The following RRAGC variants were observed in gnomAD, a reference collection of about 807,000 sequenced individuals.
RRAGC encodes ras-related GTP-binding protein C.
A neutral mutation model predicts 37.1 loss-of-function variants in RRAGC; 8 were observed. The ratio of observed to expected loss-of-function variants is 0.22; its 90% CI spans 0.13 to 0.39. RRAGC has a LOEUF of 0.39. Among genes scored for constraint, RRAGC ranks in the 10% least tolerant of loss-of-function variants. The pLI, the probability that RRAGC is intolerant of heterozygous loss-of-function variation, is 1.00. For missense variants in RRAGC, 342 were observed against 497.6 expected (o/e 0.69, Z 2.98); for synonymous variants, 190 against 181.1 (o/e 1.05, Z -0.39).
Position 38,859,596 on chromosome 1 carries a change from G to A in RRAGC, c.51C>T (p.Gly17=), listed in dbSNP as rs755544382. 2.0e-4 allele frequency: 317 copies of A among 1,566,508 alleles called. 2 individuals carry two copies. Among genetic ancestry groups the A allele is most frequent in the Non-Finnish European group, 2.6e-4 (299 of 1,157,376 alleles). Residue 17 remains glycine, a synonymous_variant, in exon 1 of 7, where the codon GGC becomes GGT. Transcript: ENST00000373001. ...AEETPLAGSY[G]AADSFPKDFG... is the part of the protein sequence containing the mutation. The stretch of plus-strand genomic sequence containing the variant: ...AGTCCTTTGGAAACGAATCGGCCGC[G>A]CCGTAACTGCCGGCGAGGGGCGTCT...
At chr1:38,843,612 C>T (rs1014470767) in intron 6 of RRAGC, among the ~76,000 whole-genome samples, 1 of 150,318 alleles carries the variant, frequency 6.7e-6, no homozygotes, top group East Asian at 2.0e-4. Flanking sequence ...CCCAGCTACT[C>T]GGGAGGGTGA....
Position 38,845,862 on chromosome 1 carries a change from T to C in RRAGC, c.1048+77A>G, listed in dbSNP as rs149228362. 3,144 of 1,266,618 alleles carry C rather than the reference T, an allele frequency of 2.5e-3. 165 individuals carry two copies. In the Admixed American group the frequency reaches 0.078, roughly 31 times the overall value. The allele number at this position is 1,266,618 out of a possible 1,614,324, so 78.5% of individuals were successfully genotyped here. On this transcript the variant is annotated intron_variant, in intron 6 of 6. Coordinates refer to ENST00000373001, the MANE Select transcript of RRAGC (RefSeq NM_022157.4). ...TATTTGTCTAACACTGCAATTATTA[T>C]TTTCACTTGTTTTCAAGAACCTGAG...
chr1:38,852,348 G>A, intron 4 of RRAGC, 26 bp downstream of exon 4: 1 of 1,157,358 alleles, frequency 8.6e-7, no homozygotes, highest in Non-Finnish European at 1.3e-6. Flanking sequence ...AAGCTGCAGT[G>A]AATTAAATAT....
At chr1:38,845,450 G>C (rs1642016631) in intron 6 of RRAGC, among the ~76,000 whole-genome samples, 1 of 152,144 alleles carries the variant, frequency 6.6e-6, no homozygotes, top group Admixed American at 6.5e-5. Context: ...CACAGGAAGG[G>C]GGACATCACA....
chr1:38,844,883 A>C (rs1642009698), intron 6 of RRAGC, among the ~76,000 whole-genome samples: 1 of 152,230 alleles, frequency 6.6e-6, no homozygotes, highest in South Asian at 2.1e-4. Context: ...AAAGCTCATC[A>C]CCACTGGTCA....
chr1:38,857,594 G>C (rs978213333), intron 1 of RRAGC, among the ~76,000 whole-genome samples: 1 of 152,208 alleles, frequency 6.6e-6, no homozygotes, highest in Non-Finnish European at 1.5e-5. Context: ...AACGTCCAGG[G>C]GGAGGCCACG....
chr1:38,853,132 T>G (rs1642121235), intron 3 of RRAGC, among the ~76,000 whole-genome samples: 1 of 152,216 alleles, frequency 6.6e-6, no homozygotes, highest in Non-Finnish European at 1.5e-5. Context: ...CTCATAAGTA[T>G]CTGCTGAATA....
At chr1:38,843,717 C>CAA (rs397951414) in intron 6 of RRAGC, among the ~76,000 whole-genome samples, 22 of 71,894 alleles carry the variant, frequency 3.1e-4, no homozygotes, top group Admixed American at 7.0e-4. Context: ...GAGACTGTCT[C>CAA]AAAAAAAAAA....
At chr1:38,850,289 T>A (rs953658844) in intron 5 of RRAGC, among the ~76,000 whole-genome samples, 8 of 151,950 alleles carry the variant, frequency 5.3e-5, no homozygotes, top group African/African-American at 1.9e-4. Context: ...GGCGGGTGGA[T>A]CACAAGGTCA....
Position 38,839,475 on chromosome 1 carries a change from C to T in RRAGC, c.*78G>A. On this transcript the variant is annotated 3_prime_UTR_variant, in exon 7 of 7. Coordinates refer to ENST00000373001, the MANE Select transcript of RRAGC (RefSeq NM_022157.4). ...CACCAGATTCCCACAAGCAGCAGCT[C>T]CCATGTCCTGTAGCACGTGGCATCC... 6.6e-7 allele frequency: 1 copy of T among 1,522,044 alleles called. No homozygotes were observed. The highest frequency in any genetic ancestry group is 1.4e-5 in the African/African-American group (1 of 72,836). 94.3% of individuals were successfully genotyped at this position (1,522,044 alleles called of 1,614,324 possible).
At chr1:38,854,848 A>C (rs954945288) in intron 3 of RRAGC, among the ~76,000 whole-genome samples, 2 of 152,188 alleles carry the variant, frequency 1.3e-5, no homozygotes, top group African/African-American at 4.8e-5. Flanking sequence ...TAGAACGGGG[A>C]CAGAGAAATA....
chr1:38,839,457 T>C lies in RRAGC; in HGVS notation c.*96A>G, dbSNP rs1055835247. On this transcript the variant is annotated 3_prime_UTR_variant, in exon 7 of 7. Coordinates refer to ENST00000373001, the MANE Select transcript of RRAGC (RefSeq NM_022157.4). ...TGTCTCTAGTGGAACAGGCACCAGA[T>C]TCCCACAAGCAGCAGCTCCCATGTC... The C allele has an allele frequency of 1.5e-6, 2 of 1,373,678 alleles. No homozygotes were observed. The highest frequency in any genetic ancestry group is 2.0e-6 in the Non-Finnish European group (2 of 1,003,938). The allele number at this position is 1,373,678 out of a possible 1,614,324, so 85.1% of individuals were successfully genotyped here. A position where few individuals can be genotyped will look rare whatever the true frequency, so the allele number is the denominator to read the frequency against.
At position 38,838,699 on chromosome 1, in the gene RRAGC, G is replaced by C. The variant is rs911732124; in HGVS notation, c.*854C>G. 4.6e-5 allele frequency: 7 copies of C among 152,232 alleles called. No homozygotes were observed. Among genetic ancestry groups the C allele is most frequent in the African/African-American group, 1.7e-4 (7 of 41,456 alleles). 9.4% of individuals were successfully genotyped at this position (152,232 alleles called of 1,614,324 possible). A position where few individuals can be genotyped will look rare whatever the true frequency, so the allele number is the denominator to read the frequency against. On this transcript the variant is annotated 3_prime_UTR_variant, in exon 7 of 7. Transcript: ENST00000373001. ...CCAAATGCAATCAAGAAGCTCGATA[G>C]CTTAGAATAAAAGGTCTGTAGAGGC...
chr1:38,855,286 A>G (rs554110846), intron 3 of RRAGC, among the ~76,000 whole-genome samples: 5 of 152,362 alleles, frequency 3.3e-5, no homozygotes, highest in African/African-American at 1.2e-4. Flanking sequence ...CACTCTCTGT[A>G]TAAGGCTGTT....
intron 3 of RRAGC, 80 bp from the exon 4 acceptor site, chr1:38,852,568 A>C (rs1274412891): frequency 1.4e-6 from 1 of 715,926 alleles, no homozygotes; most frequent in Non-Finnish European, 2.4e-6. Context: ...TAAAATTTTA[A>C]GTTTCTTAAC....
chr1:38,839,799 G>A (rs1641941844), intron 6 of RRAGC, 95 bp from the exon 7 acceptor site: 7 of 1,256,736 alleles, frequency 5.6e-6, no homozygotes, highest in Non-Finnish European at 6.7e-6. Context: ...GATAAACACT[G>A]GTTGGAAATT....
In RRAGC at chr1:38,859,750, G is replaced by C. The variant is rs1398220222; in HGVS notation, c.-104C>G. 3.0e-6 allele frequency: 3 copies of C among 1,001,358 alleles called. No individual in the cohort carries two copies. The highest frequency in any genetic ancestry group is 3.8e-6 in the Non-Finnish European group (3 of 789,088). The allele number at this position is 1,001,358 out of a possible 1,614,324, so 62.0% of individuals were successfully genotyped here. Reference sequence around the variant, plus strand: ...CGCCGCCGCCGCCACCACCGCCACCGCCCCCGGCAGCCGCCACAGTCCGGC... The same window carrying C: ...CGCCGCCGCCGCCACCACCGCCACCCCCCCCGGCAGCCGCCACAGTCCGGC... On this transcript the variant is annotated 5_prime_UTR_variant, in exon 1 of 7. Coordinates refer to ENST00000373001, the MANE Select transcript of RRAGC (RefSeq NM_022157.4).
At chr1:38,850,120 C>T (rs1281925663) in intron 5 of RRAGC, among the ~76,000 whole-genome samples, 1 of 151,666 alleles carries the variant, frequency 6.6e-6, no homozygotes, top group Non-Finnish European at 1.5e-5. Context: ...GCAGGAGAAT[C>T]GTTTGAACCC....
At position 38,859,483 on chromosome 1, in the gene RRAGC, C is replaced by A. The variant is rs762473983; in HGVS notation, c.164G>T (p.Gly55Val). 4 of 1,547,972 alleles carry A rather than the reference C, an allele frequency of 2.6e-6. No individual in the cohort carries two copies. Among genetic ancestry groups the A allele is most frequent in the South Asian group, 1.2e-5 (1 of 83,980 alleles). ...GAGAGGGCGP[G>V]GADSSKPRIL... The stretch of plus-strand genomic sequence containing the variant: ...CCTCGGCTTGGAGCTGTCAGCGCCC[C>A]CCGGACCACAGCCACCGCCTGCCCC... Residue 55 changes from glycine (G) to valine (V), a missense_variant, in exon 1 of 7, where the codon GGG (glycine) becomes GTG (valine). By Grantham distance (109) the Gly-to-Val change is moderately radical. This residue lies in a region of RRAGC where 104 missense variants were observed against 93.4 expected (regional missense o/e 1.11). Transcript: ENST00000373001.
Sources: gnomAD v4.1 joint callset for allele counts (sites outside exome capture counted in the v4.1 genomes callset) on GRCh38, gnomAD v4.1.1 for gene constraint, gnomAD v4.1.1 regional missense constraint, MANE v1.5 for transcripts, NCBI Gene and HGNC (gene_info 2026-07-23, HGNC 2026-07-21) for gene names.